The following FRMD6 variants were observed in gnomAD, a reference collection of about 807,000 sequenced individuals.
FRMD6 encodes the protein FERM domain containing 6.
Under a neutral mutation model 73.2 loss-of-function variants are expected in FRMD6, and 37 were observed. That is an observed-to-expected ratio of 0.51 (90% CI 0.39 to 0.66). The LOEUF (loss-of-function observed/expected upper bound fraction) is 0.66, where lower values mean the gene tolerates loss of function less well. Ranked by LOEUF, FRMD6 falls within the 30% of genes least tolerant of loss-of-function variation. FRMD6 has a pLI of 0.00. For synonymous variants in FRMD6, 273 were observed against 282.2 expected (o/e 0.97, Z 0.33); for missense variants, 714 against 780.5 (o/e 0.91, Z 1.02).
At chr14:51,445,466 G>A in the FRMD6 span, among the ~76,000 whole-genome samples, 1 of 109,324 alleles carries the variant, frequency 9.1e-6, no homozygotes, top group Non-Finnish European at 1.8e-5. Context: ...CCCTGAAACA[G>A]AAGTGCAATT....
intron 1 of FRMD6, among the ~76,000 whole-genome samples, chr14:51,491,698 G>T (rs1029190070): frequency 6.6e-6 from 1 of 152,228 alleles, no homozygotes; most frequent in Non-Finnish European, 1.5e-5. Flanking sequence ...TTTCTCTGCT[G>T]CTGGGGGATT....
At chr14:51,609,444 C>T (rs937236062) in intron 2 of FRMD6, among the ~76,000 whole-genome samples, 1 of 152,112 alleles carries the variant, frequency 6.6e-6, no homozygotes, top group Non-Finnish European at 1.5e-5. Flanking sequence ...ATGGATTGCT[C>T]AGGAAACGGT....
At position 51,729,299 on chromosome 14, in the gene FRMD6, C is replaced by T. The variant is rs887242734; in HGVS notation, c.*1270C>T. 3.3e-5 allele frequency: 5 copies of T among 152,306 alleles called. No individual in the cohort carries two copies. The highest frequency in any genetic ancestry group is 1.3e-4 in the Admixed American group (2 of 15,278). The allele number at this position is 152,306 out of a possible 1,614,324, so 9.4% of individuals were successfully genotyped here. A position where few individuals can be genotyped will look rare whatever the true frequency, so the allele number is the denominator to read the frequency against. On this transcript the variant is annotated 3_prime_UTR_variant, in exon 14 of 14. Transcript: ENST00000344768. ...TGCAACAAAGTTGAAAACCACTGATCCTGGGGGTGTCTTGTTAATTTTGAA... is the reference window on the plus strand; with the variant it reads ...TGCAACAAAGTTGAAAACCACTGATTCTGGGGGTGTCTTGTTAATTTTGAA...
At chr14:51,589,913 C>CA (rs1353291507) in intron 2 of FRMD6, among the ~76,000 whole-genome samples, 2 of 152,040 alleles carry the variant, frequency 1.3e-5, no homozygotes, top group Admixed American at 6.5e-5. Flanking sequence ...ACTAAAAATA[C>CA]AAAAATTAGT....
At chr14:51,481,749 AT>A in the FRMD6 span, among the ~76,000 whole-genome samples, 7 of 152,308 alleles carry the variant, frequency 4.6e-5, no homozygotes, top group African/African-American at 1.7e-4. Context: ...GTGGACTGAC[AT>A]AGGAATACTC....
At chr14:51,545,211 T>C (rs1250092430) in intron 1 of FRMD6, among the ~76,000 whole-genome samples, 2 of 152,100 alleles carry the variant, frequency 1.3e-5, no homozygotes, top group African/African-American at 4.8e-5. Context: ...ACAAGCATCA[T>C]ATTTAATATC....
chr14:51,468,494 G>A, the FRMD6 span, among the ~76,000 whole-genome samples: 1 of 151,998 alleles, frequency 6.6e-6, no homozygotes, highest in Non-Finnish European at 1.5e-5. Flanking sequence ...TTTCTAATAA[G>A]CATTTTCTAG....
At chr14:51,710,145 TAAAG>T (rs1896863053) in intron 7 of FRMD6, among the ~76,000 whole-genome samples, 1 of 152,198 alleles carries the variant, frequency 6.6e-6, no homozygotes, top group South Asian at 2.1e-4. Flanking sequence ...CAAGTTTACT[TAAAG>T]TATGGCGCTT....
In FRMD6 at chr14:51,509,775, T is replaced by A. The variant is rs563960309; in HGVS notation, c.-210+20355T>A. Among the ~76,000 whole-genome samples the A allele has an allele frequency of 3.9e-5, 6 of 152,010 alleles. No individual in the cohort carries two copies. The East Asian group carries it at 5.9e-4, about 15-fold the overall frequency. On this transcript the variant is annotated intron_variant, in intron 1 of 14. Transcript: ENST00000356218. ...TTGGGTAGCTGGGATTACAGGCACC[T>A]GCCACCACGCCCGGCTAATTTTTGT...
At chr14:51,578,250 T>G (rs1260560903) in intron 2 of FRMD6, among the ~76,000 whole-genome samples, 2 of 152,256 alleles carry the variant, frequency 1.3e-5, no homozygotes, top group African/African-American at 4.8e-5. Context: ...GTTATCATAG[T>G]AATCCTGAGT....
intron 1 of FRMD6, among the ~76,000 whole-genome samples, chr14:51,652,648 C>T (rs1566531676): frequency 6.6e-6 from 1 of 152,196 alleles, no homozygotes; most frequent in South Asian, 2.1e-4. Flanking sequence ...GGCAGATCGG[C>T]GCCAGACGGG....
chr14:51,694,840 G>T (rs552651704), intron 2 of FRMD6, among the ~76,000 whole-genome samples: 3 of 152,218 alleles, frequency 2.0e-5, no homozygotes, highest in Non-Finnish European at 2.9e-5. Flanking sequence ...CTAAAATGTA[G>T]CCTTAAAGAC....
At chr14:51,645,162 C>T (rs982534707) in intron 2 of FRMD6, among the ~76,000 whole-genome samples, 1 of 152,188 alleles carries the variant, frequency 6.6e-6, no homozygotes, top group Non-Finnish European at 1.5e-5. Context: ...TATTTTCTGG[C>T]ATTTGGTTTC....
chr14:51,644,053 C>T (rs771511312), intron 2 of FRMD6, among the ~76,000 whole-genome samples: 4 of 151,880 alleles, frequency 2.6e-5, no homozygotes, highest in Non-Finnish European at 5.9e-5. Flanking sequence ...ATAGGTAATC[C>T]TTCCCAAATT....
chr14:51,429,238 C>T, the FRMD6 span, among the ~76,000 whole-genome samples: 1 of 152,194 alleles, frequency 6.6e-6, no homozygotes, highest in East Asian at 1.9e-4. Flanking sequence ...GAAGAATCAC[C>T]TGGTTAAGAC....
chr14:51,406,113 T>C, the FRMD6 span, among the ~76,000 whole-genome samples: 1 of 152,180 alleles, frequency 6.6e-6, no homozygotes, highest in Admixed American at 6.5e-5. Context: ...TTGCTTGTTT[T>C]TGTCAAGTTT....
At chr14:51,509,171 C>T (rs991326774) in intron 1 of FRMD6, among the ~76,000 whole-genome samples, 20 of 152,184 alleles carry the variant, frequency 1.3e-4, no homozygotes, top group African/African-American at 4.6e-4. Context: ...TTAATTTTGT[C>T]CCCACTTGGT....
At chr14:51,692,218 G>A (rs1594743168) in intron 2 of FRMD6, among the ~76,000 whole-genome samples, 1 of 152,126 alleles carries the variant, frequency 6.6e-6, no homozygotes, top group Non-Finnish European at 1.5e-5. Flanking sequence ...GTGTGAAGTG[G>A]TGGGCTACTA....
rs79008839 is a variant in FRMD6, at chr14:51,598,080, A to G, written c.-147+27670A>G. Among the ~76,000 whole-genome samples, 26 of 152,332 alleles carry G rather than the reference A, an allele frequency of 1.7e-4. No individual in the cohort carries two copies. In the East Asian group the frequency reaches 4.8e-3, roughly 28 times the overall value. On this transcript the variant is annotated intron_variant, in intron 2 of 14. Transcript: ENST00000356218. The stretch of plus-strand genomic sequence containing the variant: ...CCCCAGTGGAAAATTCCCTATTTTG[A>G]ATTGCTTTCAACTGTCTTTTGTGTT...
Sources: allele counts gnomAD v4.1 joint callset (sites outside exome capture counted in the v4.1 genomes callset), GRCh38; gene constraint gnomAD v4.1.1; transcripts MANE v1.5; gene names NCBI Gene and HGNC (gene_info 2026-07-23, HGNC 2026-07-21).